The following TRPM6 variants were observed in gnomAD, a reference collection of about 807,000 sequenced individuals.
The protein encoded by TRPM6 is transient receptor potential cation channel subfamily M member 6, also known as channel kinase 2.
In TRPM6, 111 loss-of-function variants were observed where a neutral mutation model predicts 247.6. The observed-to-expected ratio is 0.45, with a 90% CI of 0.38 to 0.52. The LOEUF is 0.52. Among genes scored for constraint, TRPM6 ranks in the 20% least tolerant of loss-of-function variants. The pLI, the probability that TRPM6 is intolerant of heterozygous loss-of-function variation, is 0.00. For synonymous variants in TRPM6, 892 were observed against 853.8 expected (o/e 1.04, Z -0.78); for missense variants, 2,126 against 2,421.5 (o/e 0.88, Z 2.56).
At chr9:74,806,262 C>A (rs972252725) in intron 14 of TRPM6, among the ~76,000 whole-genome samples, 18 of 151,526 alleles carry the variant, frequency 1.2e-4, no homozygotes, top group Admixed American at 3.3e-4. Flanking sequence ...AAACCATAGG[C>A]TTTTTAAAAA....
intron 38 of TRPM6, among the ~76,000 whole-genome samples, chr9:74,727,855 T>TAAGAA (rs1210170153): frequency 6.6e-6 from 1 of 152,072 alleles, no homozygotes; most frequent in Admixed American, 6.5e-5. Context: ...AATGGCGAAA[T>TAAGAA]TAGAATAGAA....
chr9:74,806,841 T>G lies in TRPM6; in HGVS notation c.1638+1193A>C, dbSNP rs148514368. ...GTAACTACTACAGTCTAGTTTAATATGACACACAATAAACTCTGCACTCCA... is the reference window on the plus strand; with the variant it reads ...GTAACTACTACAGTCTAGTTTAATAGGACACACAATAAACTCTGCACTCCA... On this transcript the variant is annotated intron_variant, in intron 14 of 38. Transcript: ENST00000360774. Among the ~76,000 whole-genome samples, 803 of 152,294 alleles carry G rather than the reference T, an allele frequency of 5.3e-3. 7 individuals carry two copies. Among genetic ancestry groups the G allele is most frequent in the African/African-American group, 0.019 (769 of 41,564 alleles).
chr9:74,837,279 A>G (rs1183185515), intron 5 of TRPM6, among the ~76,000 whole-genome samples: 1 of 152,224 alleles, frequency 6.6e-6, no homozygotes, highest in Non-Finnish European at 1.5e-5. Context: ...GGATGTTGTT[A>G]AAATGCAGGT....
At chr9:74,729,679 T>C (rs1382338205) in intron 37 of TRPM6, among the ~76,000 whole-genome samples, 1 of 152,182 alleles carries the variant, frequency 6.6e-6, no homozygotes, top group Non-Finnish European at 1.5e-5. Context: ...AAGGTGAAAC[T>C]GAAGGTGGCA....
intron 9 of TRPM6, among the ~76,000 whole-genome samples, chr9:74,819,050 G>T (rs1829052919): frequency 2.0e-5 from 3 of 152,152 alleles, no homozygotes; most frequent in Non-Finnish European, 4.4e-5. Context: ...GCTTATGCCT[G>T]CAATCCCAGA....
In TRPM6 at chr9:74,724,472, T is replaced by A. The variant is rs1032787822; in HGVS notation, c.*141A>T. The A allele has an allele frequency of 1.3e-5, 16 of 1,263,704 alleles. No homozygotes were observed. In the Admixed American group the frequency reaches 2.9e-4, roughly 23 times the overall value. The allele number at this position is 1,263,704 out of a possible 1,614,324, so 78.3% of individuals were successfully genotyped here. ...CCATTGATCATATACCAATGAGGCC[T>A]TTGAACAGAAGGAGATGTGAGGCTC... On this transcript the variant is annotated 3_prime_UTR_variant, in exon 39 of 39. Coordinates refer to ENST00000360774, the MANE Select transcript of TRPM6 (RefSeq NM_017662.5).
intron 6 of TRPM6, among the ~76,000 whole-genome samples, chr9:74,830,460 A>G (rs575993136): frequency 2.6e-5 from 4 of 152,100 alleles, no homozygotes; most frequent in Non-Finnish European, 5.9e-5. Context: ...AGTAGTGCCC[A>G]TCTGGGATCA....
chr9:74,739,676 CT>C (rs774714419), intron 34 of TRPM6, 46 bp downstream of exon 34: 7 of 1,605,576 alleles, frequency 4.4e-6, no homozygotes, highest in Non-Finnish European at 5.9e-6. Flanking sequence ...GATCTCTTTT[CT>C]TTGACTTGTC....
At chr9:74,760,282 C>T (rs765540631) in intron 27 of TRPM6, among the ~76,000 whole-genome samples, 3 of 152,110 alleles carry the variant, frequency 2.0e-5, no homozygotes, top group Non-Finnish European at 2.9e-5. Context: ...CAATTTTTAT[C>T]TTTTATACTG....
rs185577133 is a variant in TRPM6, at chr9:74,794,626, A to C, written c.2392-1856T>G. ...AATTTAAGTAATGACTTTATTATTA[A>C]ATAACTTCTCTTATTATTTTTCTAG... On this transcript the variant is annotated intron_variant, in intron 18 of 38. Transcript: ENST00000360774. Among the ~76,000 whole-genome samples the C allele has an allele frequency of 6.4e-4, 98 of 152,316 alleles. 1 individual carries two copies. The highest frequency in any genetic ancestry group is 2.2e-3 in the African/African-American group (93 of 41,574).
chr9:74,738,393 A>G lies in TRPM6; in HGVS notation c.5776+14T>C. ...CCTCATGCTTGTTGTATCAAATCCT[A>G]CATCATCAATCACCTTGCAAATCTA... On this transcript the variant is annotated intron_variant, in intron 36 of 38. Coordinates refer to ENST00000360774, the MANE Select transcript of TRPM6 (RefSeq NM_017662.5). The G allele has an allele frequency of 6.2e-7, 1 of 1,613,152 alleles. No homozygotes were observed. The highest frequency in any genetic ancestry group is 8.5e-7 in the Non-Finnish European group (1 of 1,179,622).
At chr9:74,852,354 AG>A (rs1192642488) in intron 3 of TRPM6, among the ~76,000 whole-genome samples, 1 of 150,296 alleles carries the variant, frequency 6.7e-6, no homozygotes, top group Non-Finnish European at 1.5e-5. Context: ...CACCACACTT[AG>A]CTAAAATTTT....
intron 6 of TRPM6, among the ~76,000 whole-genome samples, chr9:74,831,109 G>A (rs1347467761): frequency 1.7e-4 from 26 of 152,020 alleles, no homozygotes; most frequent in Admixed American, 1.6e-3. Context: ...AATAATAGAG[G>A]AATCATTGAT....
intron 11 of TRPM6, among the ~76,000 whole-genome samples, chr9:74,813,630 G>T (rs552946823): frequency 1.3e-5 from 2 of 152,226 alleles, no homozygotes; most frequent in Admixed American, 1.3e-4. Context: ...AAACCTATAG[G>T]CAACCTCCAA....
chr9:74,800,151 C>T (rs1246363479), intron 17 of TRPM6, 103 bp downstream of exon 17: 42 of 1,068,700 alleles, frequency 3.9e-5, no homozygotes, highest in Non-Finnish European at 5.7e-5. Flanking sequence ...AATATATTAA[C>T]TGGTTTTCCT....
chr9:74,807,633 T>C (rs911283133), intron 14 of TRPM6, among the ~76,000 whole-genome samples: 2 of 152,188 alleles, frequency 1.3e-5, no homozygotes, highest in Admixed American at 1.3e-4. Context: ...CTCCAGACTA[T>C]GGACTAGGAT....
chr9:74,799,665 C>A (rs1005179403), intron 17 of TRPM6, among the ~76,000 whole-genome samples: 1 of 152,028 alleles, frequency 6.6e-6, no homozygotes, highest in African/African-American at 2.4e-5. Context: ...TAAAAAGTCT[C>A]ATTTACTTTT....
chr9:74,825,918 C>T (rs923563196), intron 7 of TRPM6, among the ~76,000 whole-genome samples: 4 of 152,096 alleles, frequency 2.6e-5, no homozygotes, highest in Non-Finnish European at 5.9e-5. Context: ...GGTCTCCCTT[C>T]TCCCAGCCAT....
intron 25 of TRPM6, among the ~76,000 whole-genome samples, chr9:74,769,037 T>C (rs1826923327): frequency 6.6e-6 from 1 of 152,232 alleles, no homozygotes; most frequent in Admixed American, 6.5e-5. Context: ...TACTTAATAA[T>C]AGATAACTTT....
Sources: gnomAD v4.1 joint callset for allele counts (sites outside exome capture counted in the v4.1 genomes callset) on GRCh38, gnomAD v4.1.1 for gene constraint, MANE v1.5 for transcripts, NCBI Gene and HGNC (gene_info 2026-07-23, HGNC 2026-07-21) for gene names.